Variants in EPB41L5 observed in about 807,000 individuals in gnomAD.
EPB41L5 encodes the protein erythrocyte membrane protein band 4.1 like 5.
Under a neutral mutation model 106.6 loss-of-function variants are expected in EPB41L5, and 55 were observed. The ratio of observed to expected loss-of-function variants is 0.52; its 90% confidence interval spans 0.42 to 0.65. The LOEUF (loss-of-function observed/expected upper bound fraction) is 0.65, where lower values mean the gene tolerates loss of function less well. Among genes scored for constraint, EPB41L5 ranks in the 30% least tolerant of loss-of-function variants. EPB41L5 has a pLI of 0.00. For synonymous variants in EPB41L5, 297 were observed against 306.7 expected, an observed-to-expected ratio of 0.97 and a Z score of 0.33; for missense variants, 871 against 882.1, an observed-to-expected ratio of 0.99 and a Z score of 0.16.
At chr2:120,082,464 A>T (rs1018484520) in intron 10 of EPB41L5, among the ~76,000 whole-genome samples, 1 of 151,978 alleles carries the variant, frequency 6.6e-6, no homozygotes, top group African/African-American at 2.4e-5. Flanking sequence ...AGCCCACTTG[A>T]TCTTGGGGGT....
At position 120,049,452 on chromosome 2, in the gene EPB41L5, C is replaced by A. The variant is rs576481654; in HGVS notation, c.285+7342C>A. Among the ~76,000 whole-genome samples the A allele has an allele frequency of 2.2e-3, 338 of 152,090 alleles. 1 individual carries two copies. The highest frequency in any genetic ancestry group is 3.9e-3 in the Non-Finnish European group (268 of 67,968). On this transcript the variant is annotated intron_variant, in intron 3 of 24. Coordinates refer to ENST00000263713, the MANE Select transcript of EPB41L5 (RefSeq NM_020909.4). ...TGTCTCTTTTGATCTTTGTTAGTTT[C>A]AAGTCTGTTTTATCAGAGAGTAGGA...
chr2:120,159,389 C>T (rs962852814), intron 20 of EPB41L5, among the ~76,000 whole-genome samples: 5 of 147,772 alleles, frequency 3.4e-5, no homozygotes, highest in Admixed American at 2.0e-4. Flanking sequence ...CGCCACTGCA[C>T]CCCAGCCTGG....
Position 120,066,508 on chromosome 2 carries a change from A to G in EPB41L5, c.286-6670A>G, listed in dbSNP as rs576338508. Among the ~76,000 whole-genome samples the G allele has an allele frequency of 2.6e-5, 4 of 152,302 alleles. No individual in the cohort carries two copies. The East Asian group carries it at 5.8e-4, about 22-fold the overall frequency. ...TGCTCTATTATATTAAAATGCTTTA[A>G]CCAGTTCACTCTTGTTAGATACATA... On this transcript the variant is annotated intron_variant, in intron 3 of 24. Coordinates refer to ENST00000263713, the MANE Select transcript of EPB41L5 (RefSeq NM_020909.4).
At chr2:120,089,396 T>C (rs1683263490) in intron 11 of EPB41L5, among the ~76,000 whole-genome samples, 2 of 152,156 alleles carry the variant, frequency 1.3e-5, no homozygotes, top group African/African-American at 4.8e-5. Context: ...ATATATTTTG[T>C]AACTTTTTCC....
At chr2:120,173,696 T>C (rs995162597) in intron 24 of EPB41L5, among the ~76,000 whole-genome samples, 6 of 152,240 alleles carry the variant, frequency 3.9e-5, no homozygotes, top group Admixed American at 3.9e-4. Context: ...TTTAAACTTT[T>C]TTTAGAGACA....
At position 120,160,966 on chromosome 2, in the gene EPB41L5, G is replaced by C. The variant is rs1303485491; in HGVS notation, c.1879G>C (p.Val627Leu). 4 of 1,612,932 alleles carry C rather than the reference G, an allele frequency of 2.5e-6. No homozygotes were observed. Among genetic ancestry groups the C allele is most frequent in the Non-Finnish European group, 3.4e-6 (4 of 1,179,104 alleles). ...MLITPADSGSVLKEATDELDA... is the reference protein window; with the variant it reads ...MLITPADSGSLLKEATDELDA... ...TATCACACCTGCCGACAGTGGTTCT[G>C]TTCTAAAGGTAAGAATACTTTTACT... The change falls in exon 21 of 25, where the codon GTT becomes CTT. Residue 627 changes from valine to leucine, a missense_variant. Physicochemically the swap from Val to Leu is conservative, Grantham distance 32 (BLOSUM62 1). Transcript: ENST00000263713.
At chr2:120,044,141 TAAA>T (rs201677401) in intron 3 of EPB41L5, among the ~76,000 whole-genome samples, 4 of 131,010 alleles carry the variant, frequency 3.1e-5, no homozygotes, top group Admixed American at 7.7e-5. Flanking sequence ...CCCTGTCTCT[TAAA>T]AAAAAAAAAA....
chr2:120,087,107 A>G (rs896458198), intron 10 of EPB41L5, 64 bp from the exon 11 acceptor site: 2 of 1,044,486 alleles, frequency 1.9e-6, no homozygotes, highest in South Asian at 1.4e-5. Context: ...AATAAAAACA[A>G]TTTTTTTCAT....
intron 16 of EPB41L5, among the ~76,000 whole-genome samples, chr2:120,113,913 A>C (rs906391028): frequency 5.3e-5 from 8 of 152,184 alleles, no homozygotes. Context: ...GTCAGTTGAT[A>C]GATATTTGAA....
In EPB41L5 at chr2:120,119,042, A is replaced by T. The variant is rs1407554030; in HGVS notation, c.1338-8646A>T. On this transcript the variant is annotated intron_variant, in intron 16 of 24. Transcript: ENST00000263713. Reference sequence around the variant, plus strand: ...TAATAGCCTTTCTCCATGGTGTGAGATGGTATCTCATTGTGGTTTTGATTT... The same window carrying T: ...TAATAGCCTTTCTCCATGGTGTGAGTTGGTATCTCATTGTGGTTTTGATTT... 2.0e-5 allele frequency among the ~76,000 whole-genome samples: 3 copies of T among 152,060 alleles called. No homozygotes were observed. In the East Asian group the frequency reaches 5.8e-4, roughly 29 times the overall value.
chr2:120,031,973 CA>C (rs1423620260), intron 2 of EPB41L5, among the ~76,000 whole-genome samples: 1 of 151,802 alleles, frequency 6.6e-6, no homozygotes, highest in South Asian at 2.1e-4. Flanking sequence ...TCCATCTCTA[CA>C]AAAAAAATTT....
At chr2:120,071,417 A>G (rs1293945122) in intron 3 of EPB41L5, among the ~76,000 whole-genome samples, 3 of 151,936 alleles carry the variant, frequency 2.0e-5, no homozygotes, top group South Asian at 2.1e-4. Flanking sequence ...AAAGTAATTT[A>G]TAGATTCAGT....
chr2:120,141,953 T>A (rs1220472862), intron 18 of EPB41L5, among the ~76,000 whole-genome samples: 1 of 152,002 alleles, frequency 6.6e-6, no homozygotes, highest in Non-Finnish European at 1.5e-5. Flanking sequence ...GTGATGTTTC[T>A]CAGGCTAAGA....
At chr2:120,104,575 C>T in intron 16 of EPB41L5, 1 of 1,002,104 alleles carries the variant, frequency 1.0e-6, no homozygotes, top group Non-Finnish European at 1.2e-6. Flanking sequence ...GCCCATTATT[C>T]CCCCACCACA....
At chr2:120,105,956 A>T in intron 16 of EPB41L5, 2 of 985,402 alleles carry the variant, frequency 2.0e-6, no homozygotes, top group Non-Finnish European at 2.4e-6. Context: ...AAGAGGCACA[A>T]TGAAGTTGTA....
In EPB41L5 at chr2:120,019,065, C is replaced by T. The variant is rs1558797446; in HGVS notation, c.-8-12C>T. The T allele has an allele frequency of 2.5e-6, 4 of 1,573,928 alleles. No homozygotes were observed. The highest frequency in any genetic ancestry group is 3.9e-5 in the Admixed American group (2 of 50,994). On this transcript the variant is annotated splice_polypyrimidine_tract_variant and intron_variant, in intron 1 of 24. Coordinates refer to ENST00000263713, the MANE Select transcript of EPB41L5 (RefSeq NM_020909.4). ...TTTTCCTGATGCCATCTTTTTCTCT[C>T]TGTTTTTATAGTGACAAAAATGCTG... is the stretch of plus-strand genomic sequence containing the variant.
chr2:120,170,704 A>G (rs1380586026), intron 24 of EPB41L5, among the ~76,000 whole-genome samples: 1 of 152,196 alleles, frequency 6.6e-6, no homozygotes, highest in Non-Finnish European at 1.5e-5. Flanking sequence ...AGTCCTTTCC[A>G]CACCCAAGGG....
chr2:120,067,491 GT>G (rs1486755491), intron 3 of EPB41L5, among the ~76,000 whole-genome samples: 2 of 152,200 alleles, frequency 1.3e-5, no homozygotes, highest in African/African-American at 4.8e-5. Context: ...TCCTGTCACT[GT>G]TAGGACTTGG....
intron 3 of EPB41L5, among the ~76,000 whole-genome samples, chr2:120,067,597 A>G (rs1020135801): frequency 6.6e-6 from 1 of 152,224 alleles, no homozygotes; most frequent in Admixed American, 6.5e-5. Context: ...TGTCATGGAC[A>G]TTTCGAAGTC....
Sources: allele counts gnomAD v4.1 joint callset (sites outside exome capture counted in the v4.1 genomes callset), GRCh38; gene constraint gnomAD v4.1.1; transcripts MANE v1.5; gene names NCBI Gene and HGNC (gene_info 2026-07-23, HGNC 2026-07-21).